Variants in TMEM131L observed in about 807,000 individuals in gnomAD.
TMEM131L encodes transmembrane protein 131-like.
A neutral mutation model predicts 192.2 loss-of-function variants in TMEM131L; 54 were observed. The ratio of observed to expected loss-of-function variants is 0.28; its 90% CI spans 0.23 to 0.35. The LOEUF (loss-of-function observed/expected upper bound fraction) is 0.35. Among genes scored for constraint, TMEM131L ranks in the 10% least tolerant of loss-of-function variants. The pLI, the probability that TMEM131L is intolerant of heterozygous loss-of-function variation, is 1.00. For missense variants in TMEM131L, 1,888 were observed against 1,972.9 expected (o/e 0.96, Z 0.82); for synonymous variants, 701 against 704.9 (o/e 0.99, Z 0.09).
intron 31 of TMEM131L, among the ~76,000 whole-genome samples, chr4:153,630,088 G>A (rs192222603): frequency 1.0e-3 from 158 of 152,274 alleles, no homozygotes; most frequent in Non-Finnish European, 1.8e-3. Context: ...AGCCAGTGTT[G>A]CTTCTCATAA....
At chr4:153,539,665 T>C (rs79726176) in intron 3 of TMEM131L, among the ~76,000 whole-genome samples, 1,996 of 152,204 alleles carry the variant, frequency 0.013, 50 homozygotes, top group African/African-American at 0.046. Context: ...GAGGCTCCCT[T>C]GCTCCTGCCG....
At chr4:153,511,337 T>C (rs1281683657) in intron 3 of TMEM131L, among the ~76,000 whole-genome samples, 1 of 152,178 alleles carries the variant, frequency 6.6e-6, no homozygotes, top group Non-Finnish European at 1.5e-5. Context: ...TGCGGGAACG[T>C]GAATGGAGCT....
chr4:153,467,144 AG>A, intron 1 of TMEM131L, 66 bp from the exon 2 acceptor site: 1 of 1,455,870 alleles, frequency 6.9e-7, no homozygotes, highest in Non-Finnish European at 9.4e-7. Flanking sequence ...GAGGGACGGT[AG>A]GGGAAACAGG....
At chr4:153,628,524 G>A (rs1734001399) in intron 31 of TMEM131L, among the ~76,000 whole-genome samples, 1 of 152,152 alleles carries the variant, frequency 6.6e-6, no homozygotes, top group South Asian at 2.1e-4. Flanking sequence ...TCTGCACATT[G>A]GAGAATTTTA....
intron 3 of TMEM131L, among the ~76,000 whole-genome samples, chr4:153,474,647 C>CT (rs1451799150): frequency 6.6e-6 from 1 of 152,194 alleles, no homozygotes; most frequent in African/African-American, 2.4e-5. Flanking sequence ...CCTCCGCCTC[C>CT]TGGGTTCAAG....
intron 7 of TMEM131L, among the ~76,000 whole-genome samples, chr4:153,575,605 A>G (rs1729880205): frequency 6.6e-6 from 1 of 152,128 alleles, no homozygotes; most frequent in Admixed American, 6.5e-5. Flanking sequence ...CCCATCTTCT[A>G]AAAGGGGATA....
intron 3 of TMEM131L, among the ~76,000 whole-genome samples, chr4:153,508,073 A>C (rs561054066): frequency 6.6e-6 from 1 of 152,214 alleles, no homozygotes; most frequent in East Asian, 1.9e-4. Flanking sequence ...ATTTGAGGAG[A>C]ATGTAAAAGA....
At chr4:153,606,314 G>T (rs1732232396) in intron 25 of TMEM131L, among the ~76,000 whole-genome samples, 1 of 152,124 alleles carries the variant, frequency 6.6e-6, no homozygotes, top group Admixed American at 6.5e-5. Flanking sequence ...AGAGTTGAGG[G>T]AATCCTCCCT....
chr4:153,545,681 G>T (rs1422065065), intron 3 of TMEM131L, among the ~76,000 whole-genome samples: 1 of 152,092 alleles, frequency 6.6e-6, no homozygotes, highest in Non-Finnish European at 1.5e-5. Context: ...AAAAAGGCCA[G>T]GTAAAATCTT....
Position 153,504,579 on chromosome 4 carries a change from T to C in TMEM131L, c.239+30691T>C, listed in dbSNP as rs188796756. 6.8e-3 allele frequency among the ~76,000 whole-genome samples: 1,037 copies of C among 152,190 alleles called. 12 individuals are homozygous for C. The highest frequency in any genetic ancestry group is 0.024 in the African/African-American group (1,001 of 41,534). On this transcript the variant is annotated intron_variant, in intron 3 of 34. Coordinates refer to ENST00000409959, the MANE Select transcript of TMEM131L (RefSeq NM_001131007.2). ...CTGGGATTACAGGCGTGAGCCACCG[T>C]GTCTGGCCACTTGTTCTTTATGCTA...
At position 153,634,233 on chromosome 4, in the gene TMEM131L, G is replaced by A. The variant is rs761446759; in HGVS notation, c.4370G>A (p.Ser1457Asn). Residue 1457 changes from serine to asparagine, a missense_variant, in exon 33 of 35, where the codon AGC becomes AAC. Physicochemically the swap from Ser to Asn is conservative, Grantham distance 46. Transcript: ENST00000409959. ...WSATCEGQFSSAYCPLELNDY... is the reference protein window; with the variant it reads ...WSATCEGQFSNAYCPLELNDY... ...GCAACATGCGAAGGCCAGTTTTCCA[G>A]CGCATACTGTCCATTGGAATTGAAC... 9.3e-6 allele frequency: 15 copies of A among 1,614,148 alleles called. No homozygotes were observed. The Admixed American group carries it at 2.3e-4, about 25-fold the overall frequency.
In TMEM131L at chr4:153,636,524, G is replaced by A. The variant is rs1306362610; in HGVS notation, c.4781G>A (p.Arg1594Lys). Residue 1594 changes from arginine to lysine, a missense_variant, in exon 35 of 35, where the codon AGG (arginine) becomes AAG (lysine). Physicochemically the swap from Arg to Lys is conservative, Grantham distance 26. Transcript: ENST00000409959. The part of the protein sequence containing the change: ...NLDIWTTTAN[R>K]NANFPLSRDS... ...GACATATGGACTACCACAGCGAATA[G>A]GAATGCAAATTTCCCACTGTCTAGA... 1 of 1,614,194 alleles carries A rather than the reference G, an allele frequency of 6.2e-7. No homozygotes were observed.
intron 3 of TMEM131L, among the ~76,000 whole-genome samples, chr4:153,533,613 G>C (rs1456794581): frequency 6.6e-6 from 1 of 152,196 alleles, no homozygotes; most frequent in African/African-American, 2.4e-5. Context: ...GGCTGTGGGT[G>C]CTACTTTCTA....
At chr4:153,606,668 T>A (rs1458479681) in intron 25 of TMEM131L, among the ~76,000 whole-genome samples, 2 of 152,216 alleles carry the variant, frequency 1.3e-5, no homozygotes, top group Admixed American at 6.5e-5. Context: ...CTGCCCAGAA[T>A]CTTTCCTTCC....
chr4:153,543,833 C>A (rs565676933), intron 3 of TMEM131L, among the ~76,000 whole-genome samples: 1 of 152,302 alleles, frequency 6.6e-6, no homozygotes, highest in South Asian at 2.1e-4. Flanking sequence ...CAGGTCTCTT[C>A]CAGCATTTCC....
chr4:153,473,296 T>G lies in TMEM131L; in HGVS notation c.196-549T>G, dbSNP rs139079936. The stretch of plus-strand genomic sequence containing the variant: ...GGAGACTGGTCTTTGCTGCACAGAG[T>G]GCGATGGTGCACCGGATGGTTGCAG... On this transcript the variant is annotated intron_variant, in intron 2 of 34. Coordinates refer to ENST00000409959, the MANE Select transcript of TMEM131L (RefSeq NM_001131007.2). 7.2e-5 allele frequency among the ~76,000 whole-genome samples: 11 copies of G among 152,126 alleles called. No individual in the cohort carries two copies. The East Asian group carries it at 2.1e-3, about 29-fold the overall frequency.
chr4:153,620,929 TA>T (rs767051960), intron 27 of TMEM131L, 49 bp downstream of exon 27: 1 of 1,472,772 alleles, frequency 6.8e-7, no homozygotes, highest in Non-Finnish European at 9.1e-7. Context: ...TTTCACTTTA[TA>T]ATTTTGCATT....
intron 3 of TMEM131L, among the ~76,000 whole-genome samples, chr4:153,513,861 TA>T (rs1301689416): frequency 6.6e-6 from 1 of 152,236 alleles, no homozygotes; most frequent in Non-Finnish European, 1.5e-5. Context: ...AGAATTACAC[TA>T]AAAATTCTTG....
At chr4:153,537,388 T>C (rs1736416073) in intron 3 of TMEM131L, among the ~76,000 whole-genome samples, 2 of 152,156 alleles carry the variant, frequency 1.3e-5, no homozygotes, top group Admixed American at 1.3e-4. Context: ...CAAAAGCAGG[T>C]TTATTAAGAA....
Sources: gnomAD v4.1 joint callset for allele counts (sites outside exome capture counted in the v4.1 genomes callset) on GRCh38, gnomAD v4.1.1 for gene constraint, MANE v1.5 for transcripts, NCBI Gene and HGNC (gene_info 2026-07-23, HGNC 2026-07-21) for gene names.